CA10: variants seen among roughly 807,000 people sequenced by gnomAD.
The protein encoded by CA10 is carbonic anhydrase 10 (inactive), also known as carbonic anhydrase-related protein 10.
In CA10, 14 loss-of-function variants were observed where a neutral mutation model predicts 44.2. That is an observed-to-expected ratio of 0.32 (90% CI 0.21 to 0.50). CA10 has a LOEUF of 0.50. Ranked by LOEUF, CA10 falls within the 20% of genes least tolerant of loss-of-function variation. The pLI is 0.99. For synonymous variants in CA10, 159 were observed against 141.6 expected, an observed-to-expected ratio of 1.12 and a Z score of -0.87; for missense variants, 350 against 409.7, an observed-to-expected ratio of 0.85 and a Z score of 1.26.
At chr17:51,814,215 A>AATATGCATT (rs1311308965) in intron 3 of CA10, among the ~76,000 whole-genome samples, 1 of 152,218 alleles carries the variant, frequency 6.6e-6, no homozygotes, top group East Asian at 1.9e-4. Context: ...ATTATTAATA[A>AATATGCATT]ATATGCATTA....
At chr17:51,755,679 A>G (rs1300839394) in intron 3 of CA10, among the ~76,000 whole-genome samples, 5 of 152,242 alleles carry the variant, frequency 3.3e-5, no homozygotes, top group South Asian at 2.1e-4. Context: ...CCAGTTAGTT[A>G]GGAAAGGAAG....
intron 1 of CA10, among the ~76,000 whole-genome samples, chr17:52,146,658 G>A (rs1411044171): frequency 1.3e-5 from 2 of 151,624 alleles, no homozygotes; most frequent in African/African-American, 2.4e-5. Flanking sequence ...CCGACAGAGC[G>A]AGACTCCGTC....
At chr17:52,013,567 A>C (rs566181883) in intron 2 of CA10, among the ~76,000 whole-genome samples, 2 of 151,948 alleles carry the variant, frequency 1.3e-5, no homozygotes, top group Non-Finnish European at 2.9e-5. Context: ...ATATAGAAAA[A>C]TTTAAAAGAT....
At chr17:51,641,026 T>C (rs145202073) in intron 6 of CA10, among the ~76,000 whole-genome samples, 38 of 152,092 alleles carry the variant, frequency 2.5e-4, no homozygotes, top group Admixed American at 9.2e-4. Flanking sequence ...TGTTCATGCA[T>C]GTCTCTGCTT....
intron 3 of CA10, among the ~76,000 whole-genome samples, chr17:51,807,154 G>A (rs955892080): frequency 6.6e-6 from 1 of 152,134 alleles, no homozygotes; most frequent in African/African-American, 2.4e-5. Flanking sequence ...GGGACACTTG[G>A]GCATTTCCCT....
intron 2 of CA10, among the ~76,000 whole-genome samples, chr17:51,995,754 T>G (rs1985212544): frequency 6.6e-6 from 1 of 152,084 alleles, no homozygotes; most frequent in African/African-American, 2.4e-5. Flanking sequence ...TTTTCAGAAC[T>G]GAATTCCTGT....
intron 4 of CA10, among the ~76,000 whole-genome samples, chr17:51,724,520 T>G (rs1916453264): frequency 6.6e-6 from 1 of 152,214 alleles, no homozygotes; most frequent in Non-Finnish European, 1.5e-5. Flanking sequence ...TCACTCTGTC[T>G]TTGCTTAATA....
chr17:51,726,400 C>T lies in CA10; in HGVS notation c.465+21233G>A, dbSNP rs1567818484. ...GACTGTAGTTAATAACAACATACTG[C>T]ACTGTATACTTCAAAGTTGCTGAGC... On this transcript the variant is annotated intron_variant, in intron 4 of 8. Transcript: ENST00000451037. Among the ~76,000 whole-genome samples, 2 of 152,172 alleles carry T rather than the reference C, an allele frequency of 1.3e-5. 1 individual carries two copies. Among genetic ancestry groups the T allele is most frequent in the Non-Finnish European group, 2.9e-5 (2 of 68,046 alleles).
intron 4 of CA10, among the ~76,000 whole-genome samples, chr17:51,672,117 A>T (rs190659472): frequency 6.6e-6 from 1 of 152,224 alleles, no homozygotes; most frequent in Non-Finnish European, 1.5e-5. Flanking sequence ...TAAAACACCT[A>T]GTATCCACCA....
intron 3 of CA10, among the ~76,000 whole-genome samples, chr17:51,750,251 C>T (rs1369115284): frequency 6.6e-6 from 1 of 152,096 alleles, no homozygotes; most frequent in Non-Finnish European, 1.5e-5. Flanking sequence ...AATATTTTGG[C>T]ATATATATAA....
intron 4 of CA10, among the ~76,000 whole-genome samples, chr17:51,731,198 G>T (rs1916703562): frequency 6.6e-6 from 1 of 152,150 alleles, no homozygotes; most frequent in South Asian, 2.1e-4. Context: ...CCAACATGGT[G>T]AAACCCCATC....
chr17:51,808,980 G>T (rs1907248880), intron 3 of CA10, among the ~76,000 whole-genome samples: 1 of 151,738 alleles, frequency 6.6e-6, no homozygotes, highest in South Asian at 2.1e-4. Context: ...GTTTTTCAAA[G>T]CTATTGAGTT....
intron 2 of CA10, among the ~76,000 whole-genome samples, chr17:52,071,116 A>G (rs1167937476): frequency 1.3e-5 from 2 of 152,340 alleles, no homozygotes; most frequent in East Asian, 1.9e-4. Context: ...TCACATGAAC[A>G]TAGCTTGTGC....
intron 3 of CA10, among the ~76,000 whole-genome samples, chr17:51,872,274 G>GT (rs1015659831): frequency 2.0e-5 from 3 of 152,100 alleles, no homozygotes; most frequent in Admixed American, 6.5e-5. Context: ...TAGTCATAGT[G>GT]TTTTTTCAGC....
chr17:51,991,455 A>G (rs1441880667), intron 2 of CA10, among the ~76,000 whole-genome samples: 1 of 152,134 alleles, frequency 6.6e-6, no homozygotes, highest in Non-Finnish European at 1.5e-5. Flanking sequence ...GGTCTAGGTT[A>G]GTTTCATTTC....
chr17:51,848,246 G>C (rs1048647659), intron 3 of CA10, among the ~76,000 whole-genome samples: 1 of 152,176 alleles, frequency 6.6e-6, no homozygotes, highest in Admixed American at 6.5e-5. Flanking sequence ...TTCAGATTCT[G>C]TCTTGAATAC....
Position 51,631,157 on chromosome 17 carries a change from G to A in CA10, c.*427C>T, listed in dbSNP as rs1194162113. ...GCTGTATTTTCTCCTCTCTCTTTTG[G>A]AAGAATTTTGTATGTACAAAGGCTG... is the stretch of plus-strand genomic sequence containing the variant. On this transcript the variant is annotated 3_prime_UTR_variant, in exon 9 of 9. Transcript: ENST00000451037. 1 of 172,352 alleles carries A rather than the reference G, an allele frequency of 5.8e-6. No homozygotes were observed. The highest frequency in any genetic ancestry group is 1.2e-5 in the Non-Finnish European group (1 of 80,540). The allele number at this position is 172,352 out of a possible 1,614,324, so 10.7% of individuals were successfully genotyped here.
At chr17:51,858,536 A>T (rs534673490) in intron 3 of CA10, among the ~76,000 whole-genome samples, 1 of 152,330 alleles carries the variant, frequency 6.6e-6, no homozygotes, top group South Asian at 2.1e-4. Flanking sequence ...GGGGTATATA[A>T]AAGTTGTTTA....
chr17:51,754,400 G>GATATATATATATAT (rs56145404), intron 3 of CA10, among the ~76,000 whole-genome samples: 7 of 73,100 alleles, frequency 9.6e-5, no homozygotes, highest in Non-Finnish European at 1.9e-4. Context: ...GTGTGTGTGT[G>GATATATATATATAT]ATATATATAT....
Sources: gnomAD v4.1 joint callset for allele counts (sites outside exome capture counted in the v4.1 genomes callset) on GRCh38, gnomAD v4.1.1 for gene constraint, MANE v1.5 for transcripts, NCBI Gene and HGNC (gene_info 2026-07-23, HGNC 2026-07-21) for gene names.